Variants in C10orf105 observed in about 807,000 individuals in gnomAD.
The protein encoded by C10orf105 is chromosome 10 open reading frame 105.
C10orf105 carries 2 observed loss-of-function variants against 0.6 expected under a neutral mutation model. That is an observed-to-expected ratio of 3.18 (90% CI 1.30 to 10.01). C10orf105 has a LOEUF of 10.01. C10orf105 is among the 30% of genes most tolerant of loss of function. The pLI, the probability that C10orf105 is intolerant of heterozygous loss-of-function variation, is 0.04. For missense variants in C10orf105, 209 were observed against 191.4 expected (o/e 1.09, Z -0.54); for synonymous variants, 95 against 82.4 (o/e 1.15, Z -0.83).
At position 71,714,320 on chromosome 10, in the gene C10orf105, T is replaced by C. The variant is rs1866116723; in HGVS notation, c.*1616A>G. The C allele has an allele frequency of 6.6e-6, 1 of 152,010 alleles. No homozygotes were observed. The highest frequency in any genetic ancestry group is 1.5e-5 in the Non-Finnish European group (1 of 68,032). The allele number at this position is 152,010 out of a possible 1,614,324, so 9.4% of individuals were successfully genotyped here. The stretch of plus-strand genomic sequence containing the variant: ...GGGACACACCCAGGCTGGGCCACGC[T>C]TCACTCTGTACACAGAAGCCTCATA... On this transcript the variant is annotated 3_prime_UTR_variant, in exon 2 of 2. Transcript: ENST00000441508.
upstream of C10orf105, among the ~76,000 whole-genome samples, chr10:71,720,135 C>T (rs1296173081): frequency 6.6e-6 from 1 of 152,222 alleles, no homozygotes; most frequent in African/African-American, 2.4e-5. Context: ...TGGAGAGGGG[C>T]TACAAGCCAT....
chr10:71,719,091 A>G (rs1484098050), intron 1 of C10orf105, among the ~76,000 whole-genome samples: 1 of 152,050 alleles, frequency 6.6e-6, no homozygotes, highest in African/African-American at 2.4e-5. Context: ...AAAATAAAAA[A>G]TAAAAAAAAA....
At chr10:71,734,175 G>A (rs1589384201) in intron 1 of C10orf105, 2 of 1,342,476 alleles carry the variant, frequency 1.5e-6, no homozygotes, top group East Asian at 2.5e-5. Context: ...GGAAAAGTGG[G>A]CAGAATGACC....
chr10:71,719,191 G>A (rs1358030018), intron 1 of C10orf105, among the ~76,000 whole-genome samples: 1 of 152,238 alleles, frequency 6.6e-6, no homozygotes, highest in East Asian at 1.9e-4. Flanking sequence ...CCTTCCTGGA[G>A]CACGAGGCAA....
intron 1 of C10orf105, among the ~76,000 whole-genome samples, chr10:71,718,919 G>T (rs941767522): frequency 6.6e-5 from 10 of 151,496 alleles, no homozygotes; most frequent in Admixed American, 2.6e-4. Context: ...AAAAAAAAAA[G>T]GTTTTTTAAT....
chr10:71,712,496 T>A lies in C10orf105; in HGVS notation c.*3440A>T, dbSNP rs1866013477. 7.8e-6 allele frequency: 5 copies of A among 644,838 alleles called. No homozygotes were observed. In the East Asian group the frequency reaches 1.4e-4, roughly 18 times the overall value. The allele number at this position is 644,838 out of a possible 1,614,324, so 39.9% of individuals were successfully genotyped here. A position where few individuals can be genotyped will look rare whatever the true frequency, so the allele number is the denominator to read the frequency against. ...ATGGTGTTATCTAAGTATTTGATAC[T>A]GTTAGTGTTATTCCTAAGCTAAAAA... On this transcript the variant is annotated 3_prime_UTR_variant, in exon 2 of 2. Coordinates refer to ENST00000441508, the MANE Select transcript of C10orf105 (RefSeq NM_001164375.3).
chr10:71,737,089 G>T (rs1839587756), intron 1 of C10orf105, among the ~76,000 whole-genome samples: 1 of 152,160 alleles, frequency 6.6e-6, no homozygotes. Context: ...AAGGACCCTT[G>T]TCTGTTTTCA....
intron 1 of C10orf105, among the ~76,000 whole-genome samples, chr10:71,728,550 G>C (rs1030582210): frequency 1.4e-4 from 22 of 152,210 alleles, no homozygotes; most frequent in African/African-American, 5.1e-4. Context: ...GCTGATCCCA[G>C]AGGCAGTGAC....
In C10orf105 at chr10:71,725,279, C is replaced by T. The variant is rs570123254; in HGVS notation, c.-5-8937G>A. 36 of 1,575,384 alleles carry T rather than the reference C, an allele frequency of 2.3e-5. No homozygotes were observed. In the East Asian group the frequency reaches 3.6e-4, roughly 16 times the overall value. ...CCGCAGCCTCCTCACAAGGAGGGGACTGGTGAACTTCTGCCCCCAACCATG... is the reference window on the plus strand; with the variant it reads ...CCGCAGCCTCCTCACAAGGAGGGGATTGGTGAACTTCTGCCCCCAACCATG... On this transcript the variant is annotated intron_variant, in intron 1 of 1. Coordinates refer to the C10orf105 transcript ENST00000398786.
rs534333798 is a variant in C10orf105, at chr10:71,732,173, T to A, written c.-6+5555A>T. On this transcript the variant is annotated intron_variant, in intron 1 of 1. Coordinates refer to the C10orf105 transcript ENST00000398786. ...AACCAGGGCTTCTGCAGCGTCTACA[T>A]CACTCTGCTCAACGAGCTGGACGAG... The A allele has an allele frequency of 6.2e-7, 1 of 1,613,930 alleles. No homozygotes were observed. Among genetic ancestry groups the A allele is most frequent in the Non-Finnish European group, 8.5e-7 (1 of 1,179,852 alleles).
chr10:71,724,063 G>A (rs1374962047), upstream of C10orf105: 1 of 1,560,770 alleles, frequency 6.4e-7, no homozygotes, highest in Admixed American at 1.9e-5. Flanking sequence ...CACGGACGCA[G>A]ATGAGGGCGA....
Position 71,715,368 on chromosome 10 carries a change from C to T in C10orf105, c.*568G>A, listed in dbSNP as rs1002877181. 2 of 152,208 alleles carry T rather than the reference C, an allele frequency of 1.3e-5. No individual in the cohort carries two copies. Among genetic ancestry groups the T allele is most frequent in the Non-Finnish European group, 2.9e-5 (2 of 68,102 alleles). The allele number at this position is 152,208 out of a possible 1,614,324, so 9.4% of individuals were successfully genotyped here. ...AGCTGGCACCCAGGCATCTGTTCCA[C>T]CAGGAGGGAGGCAGCTGCTCCCACA... is the stretch of plus-strand genomic sequence containing the variant. On this transcript the variant is annotated 3_prime_UTR_variant, in exon 2 of 2. Coordinates refer to ENST00000441508, the MANE Select transcript of C10orf105 (RefSeq NM_001164375.3).
intron 1 of C10orf105, among the ~76,000 whole-genome samples, chr10:71,727,387 C>T (rs1866862786): frequency 6.6e-6 from 1 of 152,248 alleles, no homozygotes; most frequent in Admixed American, 6.5e-5. Flanking sequence ...AATTTGAGGG[C>T]TGGCCCCTGG....
intron 1 of C10orf105, chr10:71,716,551 C>T (rs1452308120): frequency 2.2e-6 from 1 of 462,892 alleles, no homozygotes; most frequent in African/African-American, 2.0e-5. Flanking sequence ...GAGCTGGGCC[C>T]AAGCTCAGGC....
At chr10:71,731,837 T>C in intron 1 of C10orf105, 1 of 740,918 alleles carries the variant, frequency 1.3e-6, no homozygotes. Context: ...CATCCTCTGC[T>C]GCATCTCTGA....
chr10:71,715,397 C>G lies in C10orf105; in HGVS notation c.*539G>C, dbSNP rs1866165936. On this transcript the variant is annotated 3_prime_UTR_variant, in exon 2 of 2. Transcript: ENST00000441508. The stretch of plus-strand genomic sequence containing the variant: ...GAGGGAGGCAGCTGCTCCCACAGGG[C>G]ACCAGGCAGATGCTGGCAGCACCCG... 1 of 152,416 alleles carries G rather than the reference C, an allele frequency of 6.6e-6. No homozygotes were observed. Among genetic ancestry groups the G allele is most frequent in the African/African-American group, 2.4e-5 (1 of 41,454 alleles). 9.4% of individuals were successfully genotyped at this position (152,416 alleles called of 1,614,324 possible).
In C10orf105 at chr10:71,713,946, C is replaced by T. The variant is rs1866100270; in HGVS notation, c.*1990G>A. On this transcript the variant is annotated 3_prime_UTR_variant, in exon 2 of 2. Transcript: ENST00000441508. ...AGCAGGAAGGGAGGAAGGAACAAAA[C>T]CCTTAGGGAGGAGGCCTGCCCCACT... 6.5e-6 allele frequency: 1 copy of T among 152,788 alleles called. No individual in the cohort carries two copies. The highest frequency in any genetic ancestry group is 6.5e-5 in the Admixed American group (1 of 15,336). 9.5% of individuals were successfully genotyped at this position (152,788 alleles called of 1,614,324 possible). A position where few individuals can be genotyped will look rare whatever the true frequency, so the allele number is the denominator to read the frequency against.
At position 71,725,558 on chromosome 10, in the gene C10orf105, C is replaced by T. The variant is rs528420714; in HGVS notation, c.-5-9216G>A. The T allele has an allele frequency of 2.3e-5, 37 of 1,596,100 alleles. 3 individuals are homozygous for T. In the South Asian group the frequency reaches 3.2e-4, roughly 14 times the overall value. ...GCGGGCTGGGGTGCTGACCTCAGGA[C>T]GGGGCCAAGCCCACAGCTAGAACAG... On this transcript the variant is annotated intron_variant, in intron 1 of 1. Coordinates refer to the C10orf105 transcript ENST00000398786.
At chr10:71,721,482 C>A (rs571308081), upstream of C10orf105, among the ~76,000 whole-genome samples, 1 of 152,260 alleles carries the variant, frequency 6.6e-6, no homozygotes, top group African/African-American at 2.4e-5. Flanking sequence ...ATCATTGTGC[C>A]CAGTCTAGAG....
Sources: allele counts gnomAD v4.1 joint callset (sites outside exome capture counted in the v4.1 genomes callset), GRCh38; gene constraint gnomAD v4.1.1; transcripts MANE v1.5; gene names NCBI Gene and HGNC (gene_info 2026-07-23, HGNC 2026-07-21).